ACOXL: variants seen among roughly 807,000 people sequenced by gnomAD.
The protein encoded by ACOXL is acyl-coenzyme A oxidase-like protein.
ACOXL carries 70 observed loss-of-function variants against 71.9 expected under a neutral mutation model. The observed-to-expected ratio is 0.97, with a 90% confidence interval of 0.80 to 1.19. The LOEUF is 1.19. Ranked by LOEUF, ACOXL falls within the 50% of genes most tolerant of loss-of-function variation. The probability of loss-of-function intolerance (pLI) is 0.00; values close to 1 mark genes in which losing one functional copy is unlikely to be tolerated. For missense variants in ACOXL, 703 were observed against 736.3 expected (o/e 0.95, Z 0.52); for synonymous variants, 253 against 281.6 (o/e 0.90, Z 1.02).
intron 1 of ACOXL, among the ~76,000 whole-genome samples, chr2:110,766,936 G>A (rs1681157047): frequency 6.6e-6 from 1 of 152,206 alleles, no homozygotes; most frequent in Non-Finnish European, 1.5e-5. Context: ...AAGACAAGAG[G>A]TGGAAGGTTA....
intron 10 of ACOXL, among the ~76,000 whole-genome samples, chr2:110,884,554 C>G (rs1160182006): frequency 1.3e-5 from 2 of 152,180 alleles, no homozygotes; most frequent in African/African-American, 2.4e-5. Context: ...GTGAAAAAAA[C>G]TGAGCTACAG....
intron 1 of ACOXL, among the ~76,000 whole-genome samples, chr2:110,763,140 C>G (rs1274034534): frequency 8.5e-5 from 13 of 152,178 alleles, no homozygotes; most frequent in African/African-American, 2.4e-5. Flanking sequence ...AACGTCATCT[C>G]AATCAAAATC....
At chr2:110,891,870 G>A (rs191641549) in intron 10 of ACOXL, among the ~76,000 whole-genome samples, 1 of 152,106 alleles carries the variant, frequency 6.6e-6, no homozygotes, top group Admixed American at 6.5e-5. Context: ...ACTCTTGGCA[G>A]GTTCTCTGTG....
At chr2:110,861,567 A>G (rs1693960100) in intron 10 of ACOXL, among the ~76,000 whole-genome samples, 1 of 151,742 alleles carries the variant, frequency 6.6e-6, no homozygotes, top group African/African-American at 2.4e-5. Flanking sequence ...CTCAAAATCT[A>G]ACCCCGGCTA....
chr2:111,074,082 T>C (rs1187078981), intron 16 of ACOXL, among the ~76,000 whole-genome samples: 1 of 152,184 alleles, frequency 6.6e-6, no homozygotes, highest in African/African-American at 2.4e-5. Flanking sequence ...TTTTAATGTA[T>C]TGACCTTGTA....
chr2:110,768,534 GAGAGTTTTTT>G, intron 2 of ACOXL, 70 bp downstream of exon 2: 1 of 1,444,802 alleles, frequency 6.9e-7, no homozygotes, highest in Non-Finnish European at 9.6e-7. Context: ...GAGAGAGAGA[GAGAGTTTTTT>G]TCTCTCCAGC....
intron 10 of ACOXL, among the ~76,000 whole-genome samples, chr2:110,885,994 C>T (rs1255989270): frequency 6.9e-6 from 1 of 145,940 alleles, no homozygotes; most frequent in African/African-American, 2.8e-5. Context: ...AATCAATCCC[C>T]CTTTAAAAAT....
chr2:110,817,686 G>A (rs1244640873), intron 9 of ACOXL, among the ~76,000 whole-genome samples: 1 of 152,182 alleles, frequency 6.6e-6, no homozygotes, highest in African/African-American at 2.4e-5. Flanking sequence ...TAGTTAGGGT[G>A]ATGGACATTG....
chr2:110,778,925 G>A (rs1405958440), intron 2 of ACOXL, among the ~76,000 whole-genome samples: 2 of 152,144 alleles, frequency 1.3e-5, no homozygotes, highest in Non-Finnish European at 2.9e-5. Flanking sequence ...ACATCAAGCT[G>A]GTAATGTCAA....
intron 2 of ACOXL, among the ~76,000 whole-genome samples, chr2:110,771,105 A>G (rs552666487): frequency 1.3e-5 from 2 of 152,178 alleles, no homozygotes; most frequent in African/African-American, 2.4e-5. Context: ...TCTGTGAATT[A>G]TCTCGGCCTG....
chr2:110,867,246 C>A (rs1019209828), intron 10 of ACOXL, among the ~76,000 whole-genome samples: 1 of 152,158 alleles, frequency 6.6e-6, no homozygotes, highest in Non-Finnish European at 1.5e-5. Context: ...GCTTCTGTCT[C>A]TAGCAGATGT....
At position 110,928,773 on chromosome 2, in the gene ACOXL, T is replaced by C. The variant is rs573122595; in HGVS notation, c.906-4716T>C. 2.2e-4 allele frequency among the ~76,000 whole-genome samples: 33 copies of C among 152,284 alleles called. No individual in the cohort carries two copies. The South Asian group carries it at 6.6e-3, about 31-fold the overall frequency. ...TGGGAGGGACCCAGTGGGAGATAATTGAATCATGGGGCTGGTTTCCTCCAT... is the reference window on the plus strand; with the variant it reads ...TGGGAGGGACCCAGTGGGAGATAATCGAATCATGGGGCTGGTTTCCTCCAT... On this transcript the variant is annotated intron_variant, in intron 11 of 17. Coordinates refer to ENST00000439055, the MANE Select transcript of ACOXL (RefSeq NM_001142807.4).
intron 9 of ACOXL, among the ~76,000 whole-genome samples, chr2:110,808,726 C>G: frequency 6.6e-6 from 1 of 152,164 alleles, no homozygotes; most frequent in East Asian, 1.9e-4. Context: ...TATGACTGTC[C>G]CTTCTTCAGA....
intron 1 of ACOXL, among the ~76,000 whole-genome samples, chr2:110,740,852 G>A (rs1677437772): frequency 6.6e-6 from 1 of 152,164 alleles, no homozygotes; most frequent in Non-Finnish European, 1.5e-5. Context: ...GGATGTCAGC[G>A]TGTTTGAATG....
At chr2:111,089,702 A>G (rs1245329484) in intron 16 of ACOXL, among the ~76,000 whole-genome samples, 1 of 152,228 alleles carries the variant, frequency 6.6e-6, no homozygotes, top group Non-Finnish European at 1.5e-5. Flanking sequence ...CAAATGTTCA[A>G]ATGCTTGATA....
intron 1 of ACOXL, among the ~76,000 whole-genome samples, chr2:110,766,553 C>T (rs568544114): frequency 5.9e-5 from 9 of 152,258 alleles, no homozygotes; most frequent in South Asian, 2.1e-4. Context: ...TTGTTGTCAC[C>T]GGTATGGGAT....
At chr2:110,760,261 T>C (rs1001837640) in intron 1 of ACOXL, among the ~76,000 whole-genome samples, 1 of 151,894 alleles carries the variant, frequency 6.6e-6, no homozygotes, top group Non-Finnish European at 1.5e-5. Context: ...TGCCTCAGCC[T>C]CCCGAGTAGC....
At position 110,732,679 on chromosome 2, in the gene ACOXL, G is replaced by C. The variant is rs1573234319; in HGVS notation, c.-118G>C. On this transcript the variant is annotated 5_prime_UTR_variant, in exon 1 of 18. Coordinates refer to ENST00000439055, the MANE Select transcript of ACOXL (RefSeq NM_001142807.4). ...CAGCCGGCGCCGGGTCTGGGGCTCG[G>C]GGACTCCTCCCTGCACCGCTACCTG... The C allele has an allele frequency of 6.6e-6, 1 of 152,654 alleles. No individual in the cohort carries two copies. The highest frequency in any genetic ancestry group is 1.9e-4 in the East Asian group (1 of 5,172). 9.5% of individuals were successfully genotyped at this position (152,654 alleles called of 1,614,324 possible).
chr2:110,998,106 T>A (rs191227920), intron 14 of ACOXL, among the ~76,000 whole-genome samples: 141 of 152,282 alleles, frequency 9.3e-4, no homozygotes, highest in African/African-American at 3.2e-3. Flanking sequence ...CATGATTTTT[T>A]AAAAAACTTG....
Sources: allele counts gnomAD v4.1 joint callset (sites outside exome capture counted in the v4.1 genomes callset), GRCh38; gene constraint gnomAD v4.1.1; transcripts MANE v1.5; gene names NCBI Gene and HGNC (gene_info 2026-07-23, HGNC 2026-07-21).